BACH2: variants seen among roughly 807,000 people sequenced by gnomAD.
BACH2 encodes the protein transcription regulator protein BACH2.
Under a neutral mutation model 61.8 loss-of-function variants are expected in BACH2, and 5 were observed. The ratio of observed to expected loss-of-function variants is 0.08; its 90% CI spans 0.04 to 0.17. The LOEUF (loss-of-function observed/expected upper bound fraction) is 0.17. Among genes scored for constraint, BACH2 ranks in the 10% least tolerant of loss-of-function variants. BACH2 has a pLI of 1.00. For synonymous variants in BACH2, 446 were observed against 440.1 expected (o/e 1.01, Z -0.17); for missense variants, 824 against 1,091.1 (o/e 0.76, Z 3.45).
At chr6:89,960,527 G>T (rs1227468222) in intron 6 of BACH2, among the ~76,000 whole-genome samples, 2 of 152,202 alleles carry the variant, frequency 1.3e-5, no homozygotes, top group African/African-American at 4.8e-5. Context: ...TGGCCAATTG[G>T]ATGCAGTACA....
intron 4 of BACH2, among the ~76,000 whole-genome samples, chr6:90,124,873 C>G (rs1173503320): frequency 1.3e-5 from 2 of 152,180 alleles, no homozygotes; most frequent in African/African-American, 4.8e-5. Context: ...GCCCAGTGAC[C>G]TTGCACACGA....
At chr6:90,232,407 G>A (rs376023226) in intron 3 of BACH2, among the ~76,000 whole-genome samples, 75 of 152,278 alleles carry the variant, frequency 4.9e-4, no homozygotes, top group African/African-American at 1.7e-3. Context: ...GCAAATAGCT[G>A]GAATTGTGTA....
intron 6 of BACH2, among the ~76,000 whole-genome samples, chr6:89,970,819 G>A (rs1046646424): frequency 6.6e-6 from 1 of 152,150 alleles, no homozygotes; most frequent in Non-Finnish European, 1.5e-5. Context: ...AGACAGAAAA[G>A]ACCAGGAGAG....
At chr6:90,182,462 C>T (rs1768202704) in intron 4 of BACH2, among the ~76,000 whole-genome samples, 1 of 152,154 alleles carries the variant, frequency 6.6e-6, no homozygotes, top group African/African-American at 2.4e-5. Context: ...CCTTTGCATG[C>T]CCTCAAGAAT....
intron 4 of BACH2, among the ~76,000 whole-genome samples, chr6:90,181,909 G>T (rs1768179299): frequency 6.6e-6 from 1 of 152,192 alleles, no homozygotes; most frequent in Non-Finnish European, 1.5e-5. Flanking sequence ...TGACTCTGCA[G>T]TCTGAGCCCT....
chr6:90,057,477 A>C (rs1363814981), intron 5 of BACH2, among the ~76,000 whole-genome samples: 1 of 152,242 alleles, frequency 6.6e-6, no homozygotes, highest in Non-Finnish European at 1.5e-5. Context: ...TGAGGCAATA[A>C]TCAATAGCTT....
At chr6:90,086,753 G>C (rs1361409919) in intron 5 of BACH2, among the ~76,000 whole-genome samples, 2 of 152,200 alleles carry the variant, frequency 1.3e-5, no homozygotes, top group Non-Finnish European at 2.9e-5. Context: ...TAAACGTGGA[G>C]ATCTGCGGAG....
intron 1 of BACH2, among the ~76,000 whole-genome samples, chr6:90,277,614 G>A (rs541493567): frequency 1.3e-5 from 2 of 152,298 alleles, no homozygotes; most frequent in East Asian, 1.9e-4. Context: ...TATGTTATAT[G>A]CATACTTTTC....
chr6:90,194,527 C>T (rs1240214623), intron 4 of BACH2, among the ~76,000 whole-genome samples: 4 of 152,142 alleles, frequency 2.6e-5, no homozygotes, highest in Non-Finnish European at 4.4e-5. Context: ...ATGTGGCAGC[C>T]GATTTTCAGG....
At chr6:90,280,194 T>C (rs1315302606) in intron 1 of BACH2, among the ~76,000 whole-genome samples, 3 of 152,232 alleles carry the variant, frequency 2.0e-5, no homozygotes, top group Non-Finnish European at 4.4e-5. Context: ...CTTTTGAGTA[T>C]TCTTAACAGG....
chr6:90,198,768 T>A (rs1768854727), intron 4 of BACH2, among the ~76,000 whole-genome samples: 1 of 152,192 alleles, frequency 6.6e-6, no homozygotes, highest in South Asian at 2.1e-4. Flanking sequence ...ATTTTCAGCA[T>A]AAGCCCTGGA....
chr6:90,060,198 AAG>A (rs1368491652), intron 5 of BACH2, among the ~76,000 whole-genome samples: 3 of 151,848 alleles, frequency 2.0e-5, no homozygotes, highest in African/African-American at 7.3e-5. Flanking sequence ...CTTAAAAAAA[AAG>A]AAAAATTCTG....
intron 4 of BACH2, among the ~76,000 whole-genome samples, chr6:90,126,274 GAAC>G (rs749299444): frequency 5.3e-5 from 8 of 152,206 alleles, no homozygotes; most frequent in Non-Finnish European, 1.2e-4. Flanking sequence ...GCTAGAATGG[GAAC>G]AATAGATTAT....
chr6:90,148,937 C>T (rs981956783), intron 4 of BACH2, among the ~76,000 whole-genome samples: 2 of 152,136 alleles, frequency 1.3e-5, no homozygotes, highest in African/African-American at 4.8e-5. Flanking sequence ...CTTGTGGCTC[C>T]CTGAGCTGCT....
intron 4 of BACH2, among the ~76,000 whole-genome samples, chr6:90,148,727 G>C (rs907203055): frequency 6.6e-6 from 1 of 152,090 alleles, no homozygotes; most frequent in Non-Finnish European, 1.5e-5. Context: ...CCTACAGTCA[G>C]GACTGTAAGA....
intron 4 of BACH2, among the ~76,000 whole-genome samples, chr6:90,144,672 A>G (rs993371161): frequency 6.6e-6 from 1 of 152,248 alleles, no homozygotes; most frequent in Non-Finnish European, 1.5e-5. Flanking sequence ...CCCACTGAAG[A>G]GAGTAATAAA....
chr6:90,182,703 T>C (rs779100024), intron 4 of BACH2, among the ~76,000 whole-genome samples: 4 of 152,190 alleles, frequency 2.6e-5, no homozygotes, highest in Non-Finnish European at 5.9e-5. Flanking sequence ...CTGAGGCAAA[T>C]GAACATGCAA....
chr6:89,955,793 G>T (rs1454783551), intron 6 of BACH2, among the ~76,000 whole-genome samples: 2 of 151,890 alleles, frequency 1.3e-5, no homozygotes, highest in Non-Finnish European at 2.9e-5. Context: ...AAAGCTGTAT[G>T]TTCATGAAAC....
intron 4 of BACH2, among the ~76,000 whole-genome samples, chr6:90,192,361 G>C (rs1403457123): frequency 1.3e-5 from 2 of 150,532 alleles, no homozygotes; most frequent in Admixed American, 6.6e-5. Flanking sequence ...ATAATTTTTA[G>C]CAGTTCTAAA....
Sources: allele counts gnomAD v4.1 joint callset (sites outside exome capture counted in the v4.1 genomes callset), GRCh38; gene constraint gnomAD v4.1.1; transcripts MANE v1.5; gene names NCBI Gene and HGNC (gene_info 2026-07-23, HGNC 2026-07-21).